The following TMPO variants were observed in gnomAD, a reference collection of about 807,000 sequenced individuals.
TMPO encodes thymopoietin.
Under a neutral mutation model 45.4 loss-of-function variants are expected in TMPO, and 22 were observed. That is an observed-to-expected ratio of 0.48 (90% confidence interval 0.35 to 0.69). The LOEUF is 0.69. Ranked by LOEUF, TMPO falls within the 30% of genes least tolerant of loss-of-function variation. TMPO has a pLI of 0.01. For synonymous variants in TMPO, 241 were observed against 204.1 expected (o/e 1.18, Z -1.54); for missense variants, 512 against 548.8 (o/e 0.93, Z 0.67).
chr12:98,535,451 C>G (rs1190711375), intron 3 of TMPO: 3 of 985,252 alleles, frequency 3.0e-6, no homozygotes, highest in Non-Finnish European at 1.2e-6. Context: ...GGTACTCCCT[C>G]TGGCCATTAC....
In TMPO at chr12:98,537,515, A is replaced by G. The variant is rs2121224925; in HGVS notation, c.606A>G (p.Leu202=). The G allele has an allele frequency of 6.2e-7, 1 of 1,613,744 alleles. No homozygotes were observed. Among genetic ancestry groups the G allele is most frequent in the Non-Finnish European group, 8.5e-7 (1 of 1,179,790 alleles). The change falls in exon 4 of 9, where the codon CTA becomes CTG. Residue 202 remains leucine, a synonymous_variant. Transcript: ENST00000556029. ...IELKLEKREP[L]KGRAKTPVTL... is the part of the protein sequence containing the mutation. ...TCAAGCTTGAGAAGAGAGAACCACT[A>G]AAGGGCAGAGCAAAGACTCCAGTAA...
chr12:98,547,273 C>G (rs1878281077), intron 8 of TMPO, among the ~76,000 whole-genome samples: 1 of 152,160 alleles, frequency 6.6e-6, no homozygotes, highest in African/African-American at 2.4e-5. Context: ...CAGAGTTTCA[C>G]CATGTTGGCC....
intron 1 of TMPO, among the ~76,000 whole-genome samples, chr12:98,523,137 CT>C (rs1021147957): frequency 6.6e-6 from 1 of 152,204 alleles, no homozygotes; most frequent in African/African-American, 2.4e-5. Context: ...CTGATGCTTC[CT>C]TTTTCCTGAC....
At chr12:98,521,312 CTG>C (rs142925974) in intron 1 of TMPO, among the ~76,000 whole-genome samples, 10,613 of 150,952 alleles carry the variant, frequency 0.07, 527 homozygotes, top group South Asian at 0.15. Context: ...CGGAGTTTCA[CTG>C]TGTTAGCCAG....
chr12:98,533,912 G>T, intron 3 of TMPO: 1 of 1,614,164 alleles, frequency 6.2e-7, no homozygotes, highest in Non-Finnish European at 8.5e-7. Context: ...CCACTAGGAG[G>T]TATTCAAGCA....
intron 3 of TMPO, chr12:98,535,311 C>T: frequency 2.0e-6 from 2 of 982,444 alleles, no homozygotes; most frequent in African/African-American, 1.7e-5. Flanking sequence ...TACTATATCC[C>T]AGTATCTGTA....
intron 4 of TMPO, among the ~76,000 whole-genome samples, chr12:98,541,161 A>G (rs1188080121): frequency 1.3e-5 from 2 of 152,130 alleles, no homozygotes; most frequent in African/African-American, 4.8e-5. Context: ...TGGAATAGTA[A>G]GACGTCCCAG....
rs199549942 is a variant in TMPO, at chr12:98,515,951, G to A, written c.84G>A (p.Pro28=). ...SELVANNVTL[P]AGEQRKDVYV... is the part of the protein sequence containing the mutation. The stretch of plus-strand genomic sequence containing the variant: ...TGGTCGCCAACAATGTGACGCTGCC[G>A]GCCGGGGAGCAGCGCAAAGACGTGT... Residue 28 remains proline (P), a synonymous_variant, in exon 1 of 9, where the codon CCG becomes CCA. Transcript: ENST00000556029. 3 of 1,613,384 alleles carry A rather than the reference G, an allele frequency of 1.9e-6. No homozygotes were observed. In the Admixed American group the frequency reaches 5.0e-5, roughly 27 times the overall value.
chr12:98,534,395 A>G (rs543245036), intron 3 of TMPO: 6 of 1,603,510 alleles, frequency 3.7e-6, no homozygotes, highest in East Asian at 4.5e-5. Flanking sequence ...CTTTATGCCA[A>G]CATTTTCTTT....
At chr12:98,541,456 T>A (rs1430882291) in intron 4 of TMPO, among the ~76,000 whole-genome samples, 1 of 152,266 alleles carries the variant, frequency 6.6e-6, no homozygotes, top group Non-Finnish European at 1.5e-5. Context: ...ATGTTGTTAC[T>A]TATGTAAGTA....
intron 1 of TMPO, among the ~76,000 whole-genome samples, chr12:98,518,241 C>T (rs1014109305): frequency 2.0e-5 from 3 of 151,568 alleles, no homozygotes; most frequent in African/African-American, 7.3e-5. Context: ...CATTGGTCCT[C>T]TGTGCAAAAG....
chr12:98,541,750 G>A (rs929357730), intron 4 of TMPO, among the ~76,000 whole-genome samples: 1 of 152,140 alleles, frequency 6.6e-6, no homozygotes, highest in East Asian at 1.9e-4. Flanking sequence ...AAATAAGGTA[G>A]AGTCAGAATT....
chr12:98,521,465 TA>T (rs1222426711), intron 1 of TMPO, among the ~76,000 whole-genome samples: 1 of 152,132 alleles, frequency 6.6e-6, no homozygotes, highest in Admixed American at 6.5e-5. Context: ...GCTTCTACCA[TA>T]GTCTCTTGGA....
At chr12:98,519,398 C>T (rs1034053523) in intron 1 of TMPO, among the ~76,000 whole-genome samples, 1 of 152,004 alleles carries the variant, frequency 6.6e-6, no homozygotes, top group African/African-American at 2.4e-5. Context: ...GGGGTTTCGC[C>T]ATGTTGGCCA....
At chr12:98,534,412 A>G in intron 3 of TMPO, 1 of 1,598,954 alleles carries the variant, frequency 6.3e-7, no homozygotes, top group Admixed American at 1.7e-5. Flanking sequence ...CTTTTCTGTT[A>G]AGGTTGTTTT....
At chr12:98,534,054 A>G (rs1565812118) in intron 3 of TMPO, 2 of 1,609,138 alleles carry the variant, frequency 1.2e-6, no homozygotes, top group East Asian at 2.2e-5. Flanking sequence ...ACATTAGTCA[A>G]GCTGCACAGA....
At chr12:98,518,221 T>C (rs1876041011) in intron 1 of TMPO, among the ~76,000 whole-genome samples, 1 of 152,034 alleles carries the variant, frequency 6.6e-6, no homozygotes, top group Non-Finnish European at 1.5e-5. Flanking sequence ...TAATTTTCTA[T>C]AGAACCCTTC....
At position 98,533,845 on chromosome 12, in the gene TMPO, A is replaced by G. The variant is rs759175262; in HGVS notation, c.565+2007A>G. The stretch of plus-strand genomic sequence containing the variant: ...AGTTTCTTCCAGGGAGGCAACACAG[A>G]TATTATCAGTTCCAAAAGTAGATGA... On this transcript the variant is annotated intron_variant, in intron 3 of 8. Coordinates refer to ENST00000556029, the MANE Select transcript of TMPO (RefSeq NM_001032283.3). The G allele has an allele frequency of 7.4e-6, 12 of 1,614,214 alleles. No individual in the cohort carries two copies. The East Asian group carries it at 2.0e-4, about 27-fold the overall frequency.
chr12:98,516,235 G>T (rs1409247106), intron 1 of TMPO, 89 bp downstream of exon 1: 6 of 1,303,928 alleles, frequency 4.6e-6, no homozygotes, highest in Admixed American at 4.2e-5. Flanking sequence ...CCTCCCGGGC[G>T]CCCCCTCGGG....
Sources: gnomAD v4.1 joint callset for allele counts (sites outside exome capture counted in the v4.1 genomes callset) on GRCh38, gnomAD v4.1.1 for gene constraint, MANE v1.5 for transcripts, NCBI Gene and HGNC (gene_info 2026-07-23, HGNC 2026-07-21) for gene names.